The following RFX3 variants were observed in gnomAD, a reference collection of about 807,000 sequenced individuals.
RFX3 encodes regulatory factor X3.
A neutral mutation model predicts 98.6 loss-of-function variants in RFX3; 14 were observed. The observed-to-expected ratio is 0.14, with a 90% CI of 0.09 to 0.22. The LOEUF is 0.22. Among genes scored for constraint, RFX3 ranks in the 10% least tolerant of loss-of-function variants. The pLI, the probability that RFX3 is intolerant of heterozygous loss-of-function variation, is 1.00. For synonymous variants in RFX3, 383 were observed against 328.4 expected, an observed-to-expected ratio of 1.17 and a Z score of -1.80; for missense variants, 639 against 926.9, an observed-to-expected ratio of 0.69 and a Z score of 4.03.
At chr9:3,432,259 A>C (rs1844720445) in intron 1 of RFX3, among the ~76,000 whole-genome samples, 1 of 152,174 alleles carries the variant, frequency 6.6e-6, no homozygotes, top group East Asian at 1.9e-4. Context: ...TACCAAAGGC[A>C]TCAAACTGAT....
intron 15 of RFX3, among the ~76,000 whole-genome samples, chr9:3,230,288 C>G (rs1203617513): frequency 6.6e-6 from 1 of 152,140 alleles, no homozygotes; most frequent in Admixed American, 6.5e-5. Context: ...TTGAAGGAGA[C>G]AGGGGCCTCC....
chr9:3,522,123 A>C (rs1264593642), intron 1 of RFX3, among the ~76,000 whole-genome samples: 1 of 152,182 alleles, frequency 6.6e-6, no homozygotes, highest in African/African-American at 2.4e-5. Flanking sequence ...CCTGCTTTAG[A>C]CAGCCCTTTT....
chr9:3,419,403 T>G (rs1034108401), intron 1 of RFX3, among the ~76,000 whole-genome samples: 1 of 152,184 alleles, frequency 6.6e-6, no homozygotes, highest in African/African-American at 2.4e-5. Flanking sequence ...ACAAGTATAT[T>G]TTTTACTAAG....
At chr9:3,492,147 G>A (rs188291912) in intron 1 of RFX3, among the ~76,000 whole-genome samples, 5 of 152,196 alleles carry the variant, frequency 3.3e-5, no homozygotes, top group East Asian at 1.9e-4. Context: ...AGGATATAAC[G>A]GTGAGCAAAA....
At chr9:3,519,403 C>G (rs978685022) in intron 1 of RFX3, among the ~76,000 whole-genome samples, 1 of 152,004 alleles carries the variant, frequency 6.6e-6, no homozygotes, top group Non-Finnish European at 1.5e-5. Flanking sequence ...TCTTTCAAAA[C>G]TTTTTGGGCT....
chr9:3,290,073 C>A (rs1395033223), intron 6 of RFX3, among the ~76,000 whole-genome samples: 1 of 151,954 alleles, frequency 6.6e-6, no homozygotes, highest in Non-Finnish European at 1.5e-5. Flanking sequence ...CTACAATTGT[C>A]AGTTTTTTTA....
At chr9:3,460,468 T>C (rs181246296) in intron 1 of RFX3, among the ~76,000 whole-genome samples, 3 of 152,144 alleles carry the variant, frequency 2.0e-5, no homozygotes, top group Admixed American at 6.5e-5. Context: ...AAAACAATCA[T>C]CACCCTATTT....
At chr9:3,396,726 T>A (rs993202143) in intron 1 of RFX3, among the ~76,000 whole-genome samples, 1 of 152,154 alleles carries the variant, frequency 6.6e-6, no homozygotes, top group Non-Finnish European at 1.5e-5. Flanking sequence ...TTTTAATGAT[T>A]GCCATTCTAA....
intron 2 of RFX3, among the ~76,000 whole-genome samples, chr9:3,359,281 GAAGTT>G (rs1313273207): frequency 6.6e-6 from 1 of 152,120 alleles, no homozygotes; most frequent in Non-Finnish European, 1.5e-5. Context: ...CTACCAGTGA[GAAGTT>G]AAGAAGTTAA....
intron 5 of RFX3, among the ~76,000 whole-genome samples, chr9:3,296,519 T>C (rs769063418): frequency 6.6e-6 from 1 of 152,136 alleles, no homozygotes; most frequent in South Asian, 2.1e-4. Flanking sequence ...TCTAAACTAG[T>C]TCAAAAAATC....
At chr9:3,353,113 G>C (rs928327334) in intron 2 of RFX3, among the ~76,000 whole-genome samples, 1 of 150,222 alleles carries the variant, frequency 6.7e-6, no homozygotes, top group Non-Finnish European at 1.5e-5. Context: ...AACCAAACAC[G>C]GCATGTTCTC....
intron 13 of RFX3, among the ~76,000 whole-genome samples, 198 bp from the exon 14 acceptor site, chr9:3,257,397 C>A (rs981997247): frequency 6.6e-6 from 1 of 152,090 alleles, no homozygotes; most frequent in African/African-American, 2.4e-5. Context: ...GAGTATTTCT[C>A]GTTGCTCACT....
chr9:3,524,610 T>C (rs1819031188), intron 1 of RFX3: 1 of 983,738 alleles, frequency 1.0e-6, no homozygotes. Flanking sequence ...CACTGTGAAC[T>C]GAGTTCTCAC....
chr9:3,487,482 G>A (rs941137285), intron 1 of RFX3, among the ~76,000 whole-genome samples: 4 of 152,094 alleles, frequency 2.6e-5, no homozygotes, highest in Non-Finnish European at 5.9e-5. Context: ...CTATTAGTTG[G>A]AAAGCAATAA....
At chr9:3,507,878 C>A (rs751855077) in intron 1 of RFX3, among the ~76,000 whole-genome samples, 2 of 151,590 alleles carry the variant, frequency 1.3e-5, no homozygotes, top group Non-Finnish European at 2.9e-5. Flanking sequence ...CCCACAGATA[C>A]GAAATGTAGA....
At chr9:3,458,369 G>C (rs1847380656) in intron 1 of RFX3, among the ~76,000 whole-genome samples, 1 of 152,118 alleles carries the variant, frequency 6.6e-6, no homozygotes, top group Non-Finnish European at 1.5e-5. Flanking sequence ...ATAATGTCTA[G>C]AGCATAACAC....
intron 1 of RFX3, among the ~76,000 whole-genome samples, chr9:3,414,442 C>T (rs980224535): frequency 6.6e-6 from 1 of 151,448 alleles, no homozygotes; most frequent in Admixed American, 6.6e-5. Flanking sequence ...GACATATTTG[C>T]TGTCCTACCA....
At chr9:3,371,409 C>T (rs990943051) in intron 2 of RFX3, among the ~76,000 whole-genome samples, 1 of 152,112 alleles carries the variant, frequency 6.6e-6, no homozygotes, top group African/African-American at 2.4e-5. Flanking sequence ...TCCGCTTACG[C>T]AGCTCTAAAA....
intron 3 of RFX3, among the ~76,000 whole-genome samples, chr9:3,339,128 T>G (rs79463587): frequency 0.15 from 22,786 of 149,232 alleles, 1,880 homozygotes; most frequent in South Asian, 0.28. Flanking sequence ...TACTTGAGTT[T>G]AAAAAAAAAA....
Sources: allele counts gnomAD v4.1 joint callset (sites outside exome capture counted in the v4.1 genomes callset), GRCh38; gene constraint gnomAD v4.1.1; transcripts MANE v1.5; gene names NCBI Gene and HGNC (gene_info 2026-07-23, HGNC 2026-07-21).